Variants in PRKAA2 observed in about 807,000 individuals in gnomAD.
PRKAA2 encodes the protein protein kinase AMP-activated catalytic subunit alpha 2, also known as 5'-AMP-activated protein kinase catalytic subunit alpha-2.
A neutral mutation model predicts 56.3 loss-of-function variants in PRKAA2; 40 were observed. The ratio of observed to expected loss-of-function variants is 0.71; its 90% CI spans 0.55 to 0.92. The LOEUF (loss-of-function observed/expected upper bound fraction) is 0.92. PRKAA2 is among the 40% of genes least tolerant of loss of function. PRKAA2 has a pLI of 0.00. For missense variants in PRKAA2, 542 were observed against 686.9 expected (o/e 0.79, Z 2.36); for synonymous variants, 214 against 234.2 (o/e 0.91, Z 0.79).
Position 56,713,342 on chromosome 1 carries a change from T to C in PRKAA2, c.*5629T>C, listed in dbSNP as rs544709635. On this transcript the variant is annotated 3_prime_UTR_variant, in exon 9 of 9. Coordinates refer to ENST00000371244, the MANE Select transcript of PRKAA2 (RefSeq NM_006252.4). The stretch of plus-strand genomic sequence containing the variant: ...TTTGCAAGCTAATGTTAATGTTTAC[T>C]GCCAGCCTTGCATAGCAATGCCAGT... The C allele has an allele frequency of 5.3e-5, 8 of 152,340 alleles. 1 individual carries two copies. The East Asian group carries it at 7.7e-4, about 15-fold the overall frequency. 9.4% of individuals were successfully genotyped at this position (152,340 alleles called of 1,614,324 possible). A position where few individuals can be genotyped will look rare whatever the true frequency, so the allele number is the denominator to read the frequency against.
intron 1 of PRKAA2, among the ~76,000 whole-genome samples, chr1:56,663,233 G>C (rs907326873): frequency 6.6e-6 from 1 of 152,166 alleles, no homozygotes; most frequent in African/African-American, 2.4e-5. Flanking sequence ...CTGTAGGCCT[G>C]TGCCACCACA....
At position 56,715,152 on chromosome 1, in the gene PRKAA2, C is replaced by T. The variant is rs1360669786; in HGVS notation, c.*7439C>T. On this transcript the variant is annotated 3_prime_UTR_variant, in exon 9 of 9. Coordinates refer to ENST00000371244, the MANE Select transcript of PRKAA2 (RefSeq NM_006252.4). ...ATGGGAAGGATTTGTCTTTCATTAA[C>T]CATATGGAAAAGATGTCTTCCTGAA... The T allele has an allele frequency of 1.3e-5, 2 of 152,100 alleles. No individual in the cohort carries two copies. Among genetic ancestry groups the T allele is most frequent in the African/African-American group, 2.4e-5 (1 of 41,428 alleles). 9.4% of individuals were successfully genotyped at this position (152,100 alleles called of 1,614,324 possible). A position where few individuals can be genotyped will look rare whatever the true frequency, so the allele number is the denominator to read the frequency against.
intron 1 of PRKAA2, among the ~76,000 whole-genome samples, chr1:56,655,280 A>ATATTTT: frequency 1.1e-5 from 1 of 93,654 alleles, no homozygotes; most frequent in African/African-American, 4.5e-5. Flanking sequence ...ATATATATAT[A>ATATTTT]TTTTTTTTTT....
At chr1:56,703,668 A>G (rs919968184) in intron 6 of PRKAA2, among the ~76,000 whole-genome samples, 3 of 152,224 alleles carry the variant, frequency 2.0e-5, no homozygotes, top group Non-Finnish European at 4.4e-5. Flanking sequence ...CAAAATTTGA[A>G]ATTTTTGCTT....
chr1:56,656,656 T>C (rs1338319655), intron 1 of PRKAA2, among the ~76,000 whole-genome samples: 2 of 152,228 alleles, frequency 1.3e-5, no homozygotes, highest in African/African-American at 4.8e-5. Flanking sequence ...TATTTCTTGT[T>C]TGAGGCTTGT....
intron 1 of PRKAA2, among the ~76,000 whole-genome samples, chr1:56,661,210 T>G (rs1209731439): frequency 6.6e-6 from 1 of 152,204 alleles, no homozygotes; most frequent in African/African-American, 2.4e-5. Context: ...ACGTTTTTAT[T>G]GTACTCCATA....
At chr1:56,652,742 T>A (rs890620972) in intron 1 of PRKAA2, among the ~76,000 whole-genome samples, 1 of 152,208 alleles carries the variant, frequency 6.6e-6, no homozygotes, top group Admixed American at 6.5e-5. Flanking sequence ...GCTATACAGA[T>A]AGATGACACT....
chr1:56,704,528 A>T (rs1196356530), intron 7 of PRKAA2, 53 bp downstream of exon 7: 1 of 1,523,546 alleles, frequency 6.6e-7, no homozygotes, highest in Non-Finnish European at 8.7e-7. Flanking sequence ...TTTCTATATT[A>T]TAAGCTGCTC....
intron 1 of PRKAA2, among the ~76,000 whole-genome samples, chr1:56,651,614 A>G (rs1643898323): frequency 6.6e-6 from 1 of 152,210 alleles, no homozygotes. Flanking sequence ...CATATTTATC[A>G]GAATTGAGAA....
At chr1:56,653,748 C>T (rs1235731370) in intron 1 of PRKAA2, among the ~76,000 whole-genome samples, 1 of 152,170 alleles carries the variant, frequency 6.6e-6, no homozygotes, top group Non-Finnish European at 1.5e-5. Context: ...GAAGAATTCA[C>T]TACCTCCTGT....
rs1490365109 is a variant in PRKAA2 at position 56,685,741 on chromosome 1, G to C, written c.237-5653G>C. ...ATGGAACAACAAAATTCATACTGTGGAATCCTCTTTAACAAACTAACTGGT... is the reference window on the plus strand; with the variant it reads ...ATGGAACAACAAAATTCATACTGTGCAATCCTCTTTAACAAACTAACTGGT... On this transcript the variant is annotated intron_variant, in intron 2 of 8. Coordinates refer to ENST00000371244, the MANE Select transcript of PRKAA2 (RefSeq NM_006252.4). 2.0e-5 allele frequency among the ~76,000 whole-genome samples: 3 copies of C among 152,060 alleles called. No individual in the cohort carries two copies. In the East Asian group the frequency reaches 5.8e-4, roughly 29 times the overall value.
intron 1 of PRKAA2, among the ~76,000 whole-genome samples, chr1:56,657,246 G>A (rs1012686702): frequency 6.6e-6 from 1 of 152,028 alleles, no homozygotes; most frequent in Admixed American, 6.6e-5. Flanking sequence ...TATCTTCAAA[G>A]GGACAGTAAT....
chr1:56,703,838 A>G (rs1644313160), intron 6 of PRKAA2, 133 bp from the exon 7 acceptor site: 2 of 970,732 alleles, frequency 2.1e-6, no homozygotes, highest in Non-Finnish European at 3.0e-6. Flanking sequence ...TCAGGATCAC[A>G]TAGCTAGTAA....
chr1:56,654,886 A>C (rs1643928113), intron 1 of PRKAA2, among the ~76,000 whole-genome samples: 1 of 151,974 alleles, frequency 6.6e-6, no homozygotes, highest in South Asian at 2.1e-4. Context: ...TCTCTTTTTA[A>C]TCTGCCATTA....
At chr1:56,656,345 G>T (rs1234444231) in intron 1 of PRKAA2, among the ~76,000 whole-genome samples, 2 of 152,028 alleles carry the variant, frequency 1.3e-5, no homozygotes, top group Non-Finnish European at 2.9e-5. Flanking sequence ...GGTAACCCCA[G>T]GTTTACCTTC....
At chr1:56,671,874 G>C (rs1644079566) in intron 1 of PRKAA2, among the ~76,000 whole-genome samples, 1 of 152,146 alleles carries the variant, frequency 6.6e-6, no homozygotes, top group African/African-American at 2.4e-5. Flanking sequence ...AGAGAGCAGG[G>C]AAGCTAGCAC....
intron 7 of PRKAA2, 76 bp from the exon 8 acceptor site, chr1:56,706,016 T>G (rs1461248726): frequency 3.1e-6 from 4 of 1,284,964 alleles, no homozygotes; most frequent in Non-Finnish European, 3.2e-6. Flanking sequence ...CCCCTATTAA[T>G]TATTTGTTTT....
intron 1 of PRKAA2, among the ~76,000 whole-genome samples, chr1:56,656,714 T>G (rs777839030): frequency 1.3e-5 from 2 of 152,196 alleles, no homozygotes; most frequent in Admixed American, 1.3e-4. Flanking sequence ...CCCAACTTCA[T>G]GTACCCCTGT....
intron 1 of PRKAA2, among the ~76,000 whole-genome samples, chr1:56,672,555 G>C (rs772071626): frequency 2.0e-5 from 3 of 152,134 alleles, no homozygotes; most frequent in Non-Finnish European, 4.4e-5. Context: ...CATAACATAA[G>C]GGTCTACCTT....
Sources: allele counts gnomAD v4.1 joint callset (sites outside exome capture counted in the v4.1 genomes callset), GRCh38; gene constraint gnomAD v4.1.1; transcripts MANE v1.5; gene names NCBI Gene and HGNC (gene_info 2026-07-23, HGNC 2026-07-21).